The following GTF3C6 variants were observed in gnomAD, a reference collection of about 807,000 sequenced individuals.
GTF3C6 encodes the protein general transcription factor 3C polypeptide 6.
A neutral mutation model predicts 19.2 loss-of-function variants in GTF3C6; 11 were observed. That is an observed-to-expected ratio of 0.57 (90% CI 0.36 to 0.95). GTF3C6 has a LOEUF of 0.95. Ranked by LOEUF, GTF3C6 falls within the 40% of genes least tolerant of loss-of-function variation. GTF3C6 has a pLI of 0.01. For synonymous variants in GTF3C6, 87 were observed against 84.2 expected (o/e 1.03, Z -0.18); for missense variants, 222 against 254.7 (o/e 0.87, Z 0.87).
At position 110,967,519 on chromosome 6, in the gene GTF3C6, A is replaced by G. The variant is rs1562359956; in HGVS notation, c.371A>G (p.Glu124Gly). Residue 124 changes from glutamate to glycine, a missense_variant, in exon 6 of 6, where the codon GAA becomes GGA. Glu to Gly is a moderately conservative substitution (Grantham distance 98). Coordinates refer to ENST00000329970, the MANE Select transcript of GTF3C6 (RefSeq NM_138408.4). ...ATCCCCTCCAAATTAGGTGGGGTGG[A>G]ATGGCTGCAAATAAAGGATAATGAT... ...KEGEENIGGV[E>G]WLQIKDNDFS... is the part of the protein sequence containing the mutation. The G allele has an allele frequency of 2.5e-6, 4 of 1,608,604 alleles. No individual in the cohort carries two copies. The highest frequency in any genetic ancestry group is 1.7e-4 in the Middle Eastern group (1 of 5,728).
At chr6:110,962,989 G>C (rs1771184095) in intron 5 of GTF3C6, among the ~76,000 whole-genome samples, 1 of 152,136 alleles carries the variant, frequency 6.6e-6, no homozygotes, top group South Asian at 2.1e-4. Flanking sequence ...GTGTTGGCCA[G>C]GATGCTCTCA....
Position 110,962,452 on chromosome 6 carries a change from T to C in GTF3C6, c.308T>C (p.Leu103Pro). Residue 103 changes from leucine to proline, a missense_variant, in exon 5 of 6, where the codon CTC becomes CCC. Physicochemically the swap from Leu to Pro is moderately conservative, Grantham distance 98. Coordinates refer to ENST00000329970, the MANE Select transcript of GTF3C6 (RefSeq NM_138408.4). ...TATAAATGCCATACAATGAAGAAGCTCAGCATGACAAGAACTCTCCTGACA... is the reference window on the plus strand; with the variant it reads ...TATAAATGCCATACAATGAAGAAGCCCAGCATGACAAGAACTCTCCTGACA... ...LKYKCHTMKK[L>P]SMTRTLLTEK... 1 of 1,612,514 alleles carries C rather than the reference T, an allele frequency of 6.2e-7. No homozygotes were observed. Among genetic ancestry groups the C allele is most frequent in the Non-Finnish European group, 8.5e-7 (1 of 1,178,608 alleles).
intron 2 of GTF3C6, among the ~76,000 whole-genome samples, chr6:110,959,762 A>T (rs1771134637): frequency 6.6e-6 from 1 of 152,104 alleles, no homozygotes; most frequent in Non-Finnish European, 1.5e-5. Flanking sequence ...GTTCGAGACC[A>T]GCCTGGCCAA....
At position 110,962,650 on chromosome 6, in the gene GTF3C6, T is replaced by C. The variant is rs575337731; in HGVS notation, c.361+145T>C. 14 of 552,698 alleles carry C rather than the reference T, an allele frequency of 2.5e-5. No individual in the cohort carries two copies. The South Asian group carries it at 3.3e-4, about 13-fold the overall frequency. The allele number at this position is 552,698 out of a possible 1,614,324, so 34.2% of individuals were successfully genotyped here. ...GACAGTCTTGCTCTGTCACCCAGGC[T>C]GGAATGCACTGGCACAATCTCGGCT... On this transcript the variant is annotated intron_variant, in intron 5 of 5. Transcript: ENST00000329970.
chr6:110,959,968 A>ATAAT lies in GTF3C6; in HGVS notation c.139-446_139-445insTAAT, dbSNP rs1461989281. Among the ~76,000 whole-genome samples the ATAAT allele has an allele frequency of 1.8e-4, 27 of 151,598 alleles. No individual in the cohort carries two copies. The South Asian group carries it at 3.1e-3, about 18-fold the overall frequency. On this transcript the variant is annotated intron_variant, in intron 2 of 5. Transcript: ENST00000329970. ...GGCAAAACTCCATCTCAATAAAAAA[A>ATAAT]AAAAATAATAATAATAATAAATTAG... is the stretch of plus-strand genomic sequence containing the variant.
chr6:110,963,938 A>G (rs1771196135), intron 5 of GTF3C6, among the ~76,000 whole-genome samples: 1 of 152,006 alleles, frequency 6.6e-6, no homozygotes, highest in South Asian at 2.1e-4. Context: ...CTGACCTCAG[A>G]TGATCAACCT....
At position 110,963,035 on chromosome 6, in the gene GTF3C6, C is replaced by T. The variant is rs766844633; in HGVS notation, c.361+530C>T. On this transcript the variant is annotated intron_variant, in intron 5 of 5. Coordinates refer to ENST00000329970, the MANE Select transcript of GTF3C6 (RefSeq NM_138408.4). ...GTCATGATCCGCCCGCCTTGGCTTCCCAAAGTGCTGGGATTACAGGCGTGA... is the reference window on the plus strand; with the variant it reads ...GTCATGATCCGCCCGCCTTGGCTTCTCAAAGTGCTGGGATTACAGGCGTGA... Among the ~76,000 whole-genome samples, 53 of 152,162 alleles carry T rather than the reference C, an allele frequency of 3.5e-4. 1 individual carries two copies. In the Middle Eastern group the frequency reaches 0.01, roughly 29 times the overall value.
chr6:110,960,594 A>C lies in GTF3C6; in HGVS notation c.225A>C (p.Ile75=). The C allele has an allele frequency of 6.2e-7, 1 of 1,613,828 alleles. No homozygotes were observed. Among genetic ancestry groups the C allele is most frequent in the Non-Finnish European group, 8.5e-7 (1 of 1,179,754 alleles). Residue 75 remains isoleucine (I), a synonymous_variant, in exon 4 of 6, where the codon ATA becomes ATC. Coordinates refer to ENST00000329970, the MANE Select transcript of GTF3C6 (RefSeq NM_138408.4). ...EYEDTLGTCV[I]FEENVEHADT... The stretch of plus-strand genomic sequence containing the variant: ...CAGACACTCTAGGGACCTGTGTTAT[A>C]TTTGAAGAAAATGTTGAACATGGTA...
At chr6:110,959,327 A>G (rs1444791174) in intron 2 of GTF3C6, 75 bp downstream of exon 2, 7 of 848,950 alleles carry the variant, frequency 8.2e-6, no homozygotes, top group Non-Finnish European at 1.4e-5. Flanking sequence ...TGAAATACCT[A>G]TCCGCAAGTA....
chr6:110,959,018 G>A (rs1435884068), intron 1 of GTF3C6, 154 bp from the exon 2 acceptor site: 4 of 798,178 alleles, frequency 5.0e-6, no homozygotes, highest in Non-Finnish European at 8.4e-6. Flanking sequence ...TACTTGGGAT[G>A]GGAAGTACCG....
chr6:110,964,401 T>C (rs1229855731), intron 5 of GTF3C6, among the ~76,000 whole-genome samples: 1 of 149,456 alleles, frequency 6.7e-6, no homozygotes, highest in South Asian at 2.1e-4. Context: ...CATGCCACCA[T>C]GCCCAGCTAA....
chr6:110,960,961 G>C (rs1404650250), intron 4 of GTF3C6, among the ~76,000 whole-genome samples: 1 of 151,818 alleles, frequency 6.6e-6, no homozygotes, highest in Admixed American at 6.6e-5. Flanking sequence ...CACGAGAATT[G>C]CTTGAACCTG....
chr6:110,960,321 G>A lies in GTF3C6; in HGVS notation c.139-93G>A, dbSNP rs573034054. The A allele has an allele frequency of 7.3e-6, 8 of 1,090,134 alleles. No homozygotes were observed. In the East Asian group the frequency reaches 2.0e-4, roughly 27 times the overall value. 67.5% of individuals were successfully genotyped at this position (1,090,134 alleles called of 1,614,324 possible). A position where few individuals can be genotyped will look rare whatever the true frequency, so the allele number is the denominator to read the frequency against. On this transcript the variant is annotated intron_variant, in intron 2 of 5. Coordinates refer to ENST00000329970, the MANE Select transcript of GTF3C6 (RefSeq NM_138408.4). ...GACAAGATGCTCTAGAGGTTCCCCA[G>A]TTTTGGAGATTAGTTTCCTTGGTAG...
chr6:110,967,818 A>T lies in GTF3C6; in HGVS notation c.*28A>T, dbSNP rs1771250355. Reference sequence around the variant, plus strand: ...ATCACTCCTAGATGAAATGTTTCTCATAATAACTTGTCAAGAACTTTTTAG... The same window carrying T: ...ATCACTCCTAGATGAAATGTTTCTCTTAATAACTTGTCAAGAACTTTTTAG... On this transcript the variant is annotated 3_prime_UTR_variant, in exon 6 of 6. Coordinates refer to ENST00000329970, the MANE Select transcript of GTF3C6 (RefSeq NM_138408.4). 1 of 1,555,438 alleles carries T rather than the reference A, an allele frequency of 6.4e-7. No individual in the cohort carries two copies. The highest frequency in any genetic ancestry group is 1.2e-5 in the South Asian group (1 of 82,466).
intron 5 of GTF3C6, among the ~76,000 whole-genome samples, chr6:110,963,414 GTCTC>G (rs1295597399): frequency 7.9e-5 from 12 of 151,836 alleles, no homozygotes; most frequent in Non-Finnish European, 1.3e-4. Context: ...GTGCTTCTCT[GTCTC>G]TCTCTTCTCC....
At chr6:110,962,823 G>C (rs1032651222) in intron 5 of GTF3C6, among the ~76,000 whole-genome samples, 1 of 151,872 alleles carries the variant, frequency 6.6e-6, no homozygotes, top group African/African-American at 2.4e-5. Flanking sequence ...CTGTCGCCCG[G>C]GCCGGAGTGC....
intron 5 of GTF3C6, among the ~76,000 whole-genome samples, chr6:110,963,418 C>G (rs1771189208): frequency 6.6e-6 from 1 of 152,056 alleles, no homozygotes; most frequent in Non-Finnish European, 1.5e-5. Context: ...TTCTCTGTCT[C>G]TCTCTTCTCC....
chr6:110,964,996 C>T (rs1771212745), intron 5 of GTF3C6, among the ~76,000 whole-genome samples: 1 of 151,716 alleles, frequency 6.6e-6, no homozygotes, highest in Admixed American at 6.6e-5. Context: ...GCACGCCCAG[C>T]TAATTTTGTA....
chr6:110,965,462 G>A (rs2114260347), intron 5 of GTF3C6, among the ~76,000 whole-genome samples: 1 of 152,032 alleles, frequency 6.6e-6, no homozygotes, highest in South Asian at 2.1e-4. Context: ...AGCTTAACAA[G>A]GAATAAACAT....
Sources: allele counts gnomAD v4.1 joint callset (sites outside exome capture counted in the v4.1 genomes callset), GRCh38; gene constraint gnomAD v4.1.1; transcripts MANE v1.5; gene names NCBI Gene and HGNC (gene_info 2026-07-23, HGNC 2026-07-21).